The following MCTP2 variants were observed in gnomAD, a reference collection of about 807,000 sequenced individuals.
MCTP2 encodes the protein multiple C2 and transmembrane domain-containing protein 2.
Under a neutral mutation model 111.6 loss-of-function variants are expected in MCTP2, and 132 were observed. The observed-to-expected ratio is 1.18, with a 90% CI of 1.03 to 1.37. The LOEUF is 1.37. MCTP2 is among the 40% of genes most tolerant of loss of function. The pLI is 0.00. For missense variants in MCTP2, 1,183 were observed against 1,067.9 expected (o/e 1.11, Z -1.50); for synonymous variants, 395 against 387.7 (o/e 1.02, Z -0.22).
Position 94,306,537 on chromosome 15 carries a change from A to G in MCTP2, c.466-7745A>G, listed in dbSNP as rs562242861. Reference sequence around the variant, plus strand: ...TGCAAATGGGAGAGCTCAGATCTGGAGATAAAAAAAGTTGATCACAAAAGG... The same window carrying G: ...TGCAAATGGGAGAGCTCAGATCTGGGGATAAAAAAAGTTGATCACAAAAGG... On this transcript the variant is annotated intron_variant, in intron 2 of 22. Coordinates refer to ENST00000357742, the MANE Select transcript of MCTP2 (RefSeq NM_001385001.1). 3.1e-4 allele frequency among the ~76,000 whole-genome samples: 47 copies of G among 152,306 alleles called. No individual in the cohort carries two copies. The South Asian group carries it at 8.9e-3, about 29-fold the overall frequency.
intron 1 of MCTP2, among the ~76,000 whole-genome samples, chr15:94,238,985 C>T (rs1217761785): frequency 1.5e-5 from 2 of 132,090 alleles, no homozygotes; most frequent in African/African-American, 5.6e-5. Flanking sequence ...TTGAAGAATC[C>T]AAGATACAAT....
At chr15:94,284,183 C>T (rs2074638534) in intron 1 of MCTP2, among the ~76,000 whole-genome samples, 1 of 152,180 alleles carries the variant, frequency 6.6e-6, no homozygotes, top group African/African-American at 2.4e-5. Context: ...GTAATTTGGA[C>T]AGGATAAGTC....
At chr15:94,434,839 CTCTTTCTT>C (rs763899239) in intron 17 of MCTP2, among the ~76,000 whole-genome samples, 2 of 148,962 alleles carry the variant, frequency 1.3e-5, no homozygotes, top group African/African-American at 5.1e-5. Context: ...TTTGCATTTT[CTCTTTCTT>C]TCTTTCTTTC....
intron 1 of MCTP2, among the ~76,000 whole-genome samples, chr15:94,245,687 T>C (rs2071923267): frequency 6.8e-6 from 1 of 146,566 alleles, no homozygotes; most frequent in Non-Finnish European, 1.5e-5. Context: ...TGTATGTGTA[T>C]ACATATATAA....
intron 1 of MCTP2, among the ~76,000 whole-genome samples, chr15:94,289,578 A>G (rs1435881761): frequency 6.6e-6 from 1 of 152,256 alleles, no homozygotes; most frequent in African/African-American, 2.4e-5. Flanking sequence ...TGAATAGACT[A>G]TCTTAAAATT....
At chr15:94,466,468 A>G (rs2073314437) in intron 20 of MCTP2, among the ~76,000 whole-genome samples, 1 of 152,168 alleles carries the variant, frequency 6.6e-6, no homozygotes, top group Admixed American at 6.6e-5. Flanking sequence ...CAACACTGGT[A>G]GCATAAACTG....
Position 94,479,065 on chromosome 15 carries a change from A to C in MCTP2, c.*31A>C. On this transcript the variant is annotated 3_prime_UTR_variant, in exon 23 of 23. Coordinates refer to ENST00000357742, the MANE Select transcript of MCTP2 (RefSeq NM_001385001.1). ...ACACCGACTTTGGACAGCAGCACCC[A>C]ATATTGTGTTTGGTTGAGTAGACCA... The C allele has an allele frequency of 6.2e-7, 1 of 1,609,604 alleles. No individual in the cohort carries two copies. Among genetic ancestry groups the C allele is most frequent in the Non-Finnish European group, 8.5e-7 (1 of 1,176,136 alleles).
At chr15:94,321,141 T>C (rs1301174344) in intron 4 of MCTP2, among the ~76,000 whole-genome samples, 2 of 152,174 alleles carry the variant, frequency 1.3e-5, no homozygotes, top group African/African-American at 4.8e-5. Flanking sequence ...GGAGAATGCT[T>C]ACTACCAGAG....
chr15:94,469,276 G>A (rs139662962), intron 20 of MCTP2, among the ~76,000 whole-genome samples: 80 of 152,262 alleles, frequency 5.3e-4, no homozygotes, highest in African/African-American at 1.6e-3. Flanking sequence ...TCAGTAGGGC[G>A]TTCGATCTCT....
chr15:94,373,449 A>G (rs2079591132), intron 12 of MCTP2, among the ~76,000 whole-genome samples: 1 of 152,246 alleles, frequency 6.6e-6, no homozygotes, highest in Non-Finnish European at 1.5e-5. Flanking sequence ...CCAGGATTAT[A>G]TTTACAAATG....
At chr15:94,343,610 T>C (rs2077785357) in intron 7 of MCTP2, 1 of 152,204 alleles carries the variant, frequency 6.6e-6, no homozygotes, top group African/African-American at 2.4e-5. Context: ...ACATACTCTG[T>C]GTTCTTTTTT....
At chr15:94,426,883 T>C (rs2082919692) in intron 17 of MCTP2, among the ~76,000 whole-genome samples, 1 of 152,120 alleles carries the variant, frequency 6.6e-6, no homozygotes, top group Non-Finnish European at 1.5e-5. Context: ...CATCTATTTC[T>C]AGTTTTACCC....
chr15:94,456,461 C>T (rs2084842660), intron 19 of MCTP2, among the ~76,000 whole-genome samples: 1 of 152,136 alleles, frequency 6.6e-6, no homozygotes, highest in Non-Finnish European at 1.5e-5. Context: ...GCCTTTGGGT[C>T]AAATTCCCTC....
chr15:94,352,244 CT>C (rs748097680), intron 8 of MCTP2, among the ~76,000 whole-genome samples: 2 of 152,222 alleles, frequency 1.3e-5, no homozygotes, highest in Non-Finnish European at 2.9e-5. Context: ...TCTCCCCTTC[CT>C]GCCTCGGGAT....
intron 1 of MCTP2, among the ~76,000 whole-genome samples, chr15:94,257,572 T>G (rs201782609): frequency 5.4e-3 from 57 of 10,590 alleles, no homozygotes; most frequent in African/African-American, 0.023. Context: ...CTTTGTTGTT[T>G]TTTTTTTTTT....
Position 94,403,025 on chromosome 15 carries a change from A to G in MCTP2, c.2085+1006A>G, listed in dbSNP as rs1311102726. The G allele has an allele frequency of 1.6e-5, 16 of 997,566 alleles. No homozygotes were observed. The South Asian group carries it at 3.1e-4, about 19-fold the overall frequency. 61.8% of individuals were successfully genotyped at this position (997,566 alleles called of 1,614,324 possible). ...AAACATTTATTAGCCCAAGAAGCCA[A>G]TGGGTTCAAGGTCACTCCCAACATT... is the stretch of plus-strand genomic sequence containing the variant. On this transcript the variant is annotated intron_variant, in intron 17 of 22. Coordinates refer to ENST00000357742, the MANE Select transcript of MCTP2 (RefSeq NM_001385001.1).
In MCTP2 at chr15:94,461,270, G is replaced by A. The variant is rs2085188587; in HGVS notation, c.2360+3024G>A. On this transcript the variant is annotated intron_variant, in intron 20 of 22. Coordinates refer to ENST00000357742, the MANE Select transcript of MCTP2 (RefSeq NM_001385001.1). ...AGGTCAGGAGTTCGAGACCAGCCTGGCCAACATGGTGAAACCCCGTCTCTA... is the reference window on the plus strand; with the variant it reads ...AGGTCAGGAGTTCGAGACCAGCCTGACCAACATGGTGAAACCCCGTCTCTA... Among the ~76,000 whole-genome samples, 4 of 152,096 alleles carry A rather than the reference G, an allele frequency of 2.6e-5. No individual in the cohort carries two copies. The South Asian group carries it at 8.3e-4, about 31-fold the overall frequency.
intron 1 of MCTP2, among the ~76,000 whole-genome samples, chr15:94,280,679 A>ATG (rs2074435917): frequency 6.6e-6 from 1 of 151,984 alleles, no homozygotes; most frequent in African/African-American, 2.4e-5. Flanking sequence ...TCTAAGTGTG[A>ATG]TGTTAGATTG....
chr15:94,265,328 A>G (rs971113423), intron 1 of MCTP2, among the ~76,000 whole-genome samples: 1 of 149,840 alleles, frequency 6.7e-6, no homozygotes, highest in Non-Finnish European at 1.5e-5. Flanking sequence ...AATGGCAGAC[A>G]GAGGCAGACG....
Sources: gnomAD v4.1 joint callset for allele counts (sites outside exome capture counted in the v4.1 genomes callset) on GRCh38, gnomAD v4.1.1 for gene constraint, MANE v1.5 for transcripts, NCBI Gene and HGNC (gene_info 2026-07-23, HGNC 2026-07-21) for gene names.